Variants in MTERF1 observed in about 807,000 individuals in gnomAD.
The protein encoded by MTERF1 is transcription termination factor 1, mitochondrial.
MTERF1 carries 29 observed loss-of-function variants against 31.6 expected under a neutral mutation model. The observed-to-expected ratio is 0.92, with a 90% CI of 0.68 to 1.25. The LOEUF is 1.25. Among genes scored for constraint, MTERF1 ranks in the 50% most tolerant of loss-of-function variants. MTERF1 has a pLI of 0.00. For missense variants in MTERF1, 500 were observed against 469.1 expected (o/e 1.07, Z -0.61); for synonymous variants, 152 against 164.1 (o/e 0.93, Z 0.57).
rs1789263548 is a variant in MTERF1, at chr7:91,874,071, GTTTTT to G, written c.718_722del (p.Lys240ProfsTer14). 4 of 1,613,942 alleles carry G rather than the reference GTTTTT, an allele frequency of 2.5e-6. No individual in the cohort carries two copies. In the Admixed American group the frequency reaches 6.7e-5, roughly 27 times the overall value. The stretch of plus-strand genomic sequence containing the variant: ...TGGTGCTCTGAATTAAGATAAAAGG[GTTTTT>G]AAAAATTATCTTTCTGACAAAATCT... On this transcript the variant is annotated frameshift_variant, in exon 3 of 3. Transcript: ENST00000351870. LOFTEE classifies it high-confidence loss of function.
chr7:91,874,104 G>A lies in MTERF1; in HGVS notation c.690C>T (p.Pro230=), dbSNP rs373260824. 105 of 1,613,938 alleles carry A rather than the reference G, an allele frequency of 6.5e-5. No individual in the cohort carries two copies. The highest frequency in any genetic ancestry group is 1.3e-4 in the East Asian group (6 of 44,892). ...AAATTATCTTTCTGACAAAATCTGC[G>A]GGATCATTGTGACCCAATGACAAAC... ...AAGLSLGHND[P]ADFVRKIIFK... The change falls in exon 3 of 3, where the codon CCC becomes CCT. Residue 230 remains proline, a synonymous_variant. Coordinates refer to ENST00000351870, the MANE Select transcript of MTERF1 (RefSeq NM_006980.5).
chr7:91,879,567 A>T (rs1330810361), intron 2 of MTERF1, among the ~76,000 whole-genome samples: 1 of 152,224 alleles, frequency 6.6e-6, no homozygotes, highest in Non-Finnish European at 1.5e-5. Context: ...TGTGAAAAAC[A>T]ATGGAAAATA....
intron 1 of MTERF1, chr7:91,880,408 A>C (rs536075064): frequency 4.3e-6 from 1 of 234,998 alleles, no homozygotes; most frequent in Admixed American, 5.4e-5. Flanking sequence ...TAAGCCTTAA[A>C]ATTACAAAAT....
At chr7:91,879,268 T>C (rs1789435304) in intron 2 of MTERF1, among the ~76,000 whole-genome samples, 1 of 152,166 alleles carries the variant, frequency 6.6e-6, no homozygotes, top group South Asian at 2.1e-4. Flanking sequence ...TTGTGGTACA[T>C]CTATGCAATA....
chr7:91,873,901 T>C lies in MTERF1; in HGVS notation c.893A>G (p.Glu298Gly). ...AGTACATCCAAGAGAAAACAGCTTC[T>C]CTTTGATGTTTGCGTAGCTTCTTCT... ...YARRSYANIK[E>G]KLFSLGCTEE... The change falls in exon 3 of 3, where the codon GAG becomes GGG. Residue 298 changes from glutamate (E) to glycine (G), a missense_variant. Transcript: ENST00000351870. 11 of 1,614,054 alleles carry C rather than the reference T, an allele frequency of 6.8e-6. No individual in the cohort carries two copies. Among genetic ancestry groups the C allele is most frequent in the Non-Finnish European group, 8.5e-6 (10 of 1,180,018 alleles).
In MTERF1 at chr7:91,873,643, C is replaced by T; in HGVS notation, c.1151G>A (p.Ser384Asn). ...CAATTTAGCTTCATATCTTTTTTTA[C>T]TCCAAGATAGAAGAGTGATGTTTAA... ...STLNITLLSW[S>N]KKRYEAKLKK... Residue 384 changes from serine (S) to asparagine (N), a missense_variant, in exon 3 of 3, where the codon AGT (serine) becomes AAT (asparagine). Ser to Asn is a conservative substitution (Grantham distance 46, BLOSUM62 1). Coordinates refer to ENST00000351870, the MANE Select transcript of MTERF1 (RefSeq NM_006980.5). The T allele has an allele frequency of 6.2e-7, 1 of 1,610,556 alleles. No individual in the cohort carries two copies. The highest frequency in any genetic ancestry group is 8.5e-7 in the Non-Finnish European group (1 of 1,179,172).
In MTERF1 at chr7:91,873,625, G is replaced by C. The variant is rs745726879; in HGVS notation, c.1169C>G (p.Ala390Gly). Residue 390 changes from alanine (A) to glycine (G), a missense_variant, in exon 3 of 3, where the codon GCT (alanine) becomes GGT (glycine). Physicochemically the swap from Ala to Gly is moderately conservative, Grantham distance 60 (BLOSUM62 0). Transcript: ENST00000351870. ...LLSWSKKRYE[A>G]KLKKLSRFA ...AAATCTGCTTAACTTTTTCAATTTA[G>C]CTTCATATCTTTTTTTACTCCAAGA... 1 of 1,607,122 alleles carries C rather than the reference G, an allele frequency of 6.2e-7. No homozygotes were observed. Among genetic ancestry groups the C allele is most frequent in the East Asian group, 2.2e-5 (1 of 44,820 alleles).
intron 2 of MTERF1, among the ~76,000 whole-genome samples, chr7:91,875,226 C>T (rs1190914333): frequency 6.6e-6 from 1 of 151,836 alleles, no homozygotes; most frequent in African/African-American, 2.4e-5. Context: ...TGACCCTCTC[C>T]ATCTCTGCTT....
In MTERF1 at chr7:91,874,382, T is replaced by C; in HGVS notation, c.412A>G (p.Asn138Asp). Residue 138 changes from asparagine to aspartate, a missense_variant, in exon 3 of 3, where the codon AAT (asparagine) becomes GAT (aspartate). Transcript: ENST00000351870. Reference sequence around the variant, plus strand: ...CACAGATCCCACCGTTTTGAAAGATTCTCGGGAGTACGTGTTATTGCTCGT... The same window carrying C: ...CACAGATCCCACCGTTTTGAAAGATCCTCGGGAGTACGTGTTATTGCTCGT... Reference protein sequence around the residue: ...YPRAITRTPENLSKRWDLWRK... With the variant: ...YPRAITRTPEDLSKRWDLWRK... 6.2e-7 allele frequency: 1 copy of C among 1,614,188 alleles called. No individual in the cohort carries two copies. The highest frequency in any genetic ancestry group is 1.1e-5 in the South Asian group (1 of 91,070).
intron 2 of MTERF1, among the ~76,000 whole-genome samples, 191 bp downstream of exon 2, chr7:91,879,864 C>T (rs573792605): frequency 6.6e-6 from 1 of 152,300 alleles, no homozygotes; most frequent in African/African-American, 2.4e-5. Context: ...ACTTAACAAA[C>T]ACTGAAAATT....
chr7:91,879,817 A>G (rs937658439), intron 2 of MTERF1, among the ~76,000 whole-genome samples: 3 of 152,214 alleles, frequency 2.0e-5, no homozygotes, highest in Admixed American at 6.5e-5. Flanking sequence ...TGACTTTTTA[A>G]TTAACCAAAA....
intron 2 of MTERF1, 147 bp from the exon 3 acceptor site, chr7:91,874,911 A>G (rs1789305702): frequency 1.8e-6 from 1 of 562,856 alleles, no homozygotes; most frequent in Admixed American, 3.4e-5. Context: ...TAATTCAGCC[A>G]CTGCTGAATT....
Position 91,874,154 on chromosome 7 carries a change from T to C in MTERF1, c.640A>G (p.Met214Val), listed in dbSNP as rs778697132. Residue 214 changes from methionine (M) to valine (V), a missense_variant, in exon 3 of 3, where the codon ATG becomes GTG. Coordinates refer to ENST00000351870, the MANE Select transcript of MTERF1 (RefSeq NM_006980.5). ...CCGGCTGCCTGCAAAAATTCAACCA[T>C]CTGTTTATTCAGATCAAGACTATTG... ...FSNSLDLNKQ[M>V]VEFLQAAGLS... 8 of 1,613,978 alleles carry C rather than the reference T, an allele frequency of 5.0e-6. No individual in the cohort carries two copies. The highest frequency in any genetic ancestry group is 3.3e-5 in the Admixed American group (2 of 59,972).
rs1789239865 is a variant in MTERF1 at position 91,873,624 on chromosome 7, A to G, written c.1170T>C (p.Ala390=). ...LLSWSKKRYE[A]KLKKLSRFA ...CAAATCTGCTTAACTTTTTCAATTTAGCTTCATATCTTTTTTTACTCCAAG... is the reference window on the plus strand; with the variant it reads ...CAAATCTGCTTAACTTTTTCAATTTGGCTTCATATCTTTTTTTACTCCAAG... The change falls in exon 3 of 3, where the codon GCT becomes GCC. Residue 390 remains alanine (A), a synonymous_variant. Transcript: ENST00000351870. 5 of 1,606,710 alleles carry G rather than the reference A, an allele frequency of 3.1e-6. No homozygotes were observed. Among genetic ancestry groups the G allele is most frequent in the Non-Finnish European group, 4.2e-6 (5 of 1,177,468 alleles).
In MTERF1 at chr7:91,872,146, C is replaced by T. The variant is rs1429349919; in HGVS notation, c.*1448G>A. On this transcript the variant is annotated 3_prime_UTR_variant, in exon 3 of 3. Coordinates refer to ENST00000351870, the MANE Select transcript of MTERF1 (RefSeq NM_006980.5). ...GAAATTCATTTTCCTTATAAATTTT[C>T]CAATAAATTATAAATGTATTATAAG... The T allele has an allele frequency of 6.6e-6, 1 of 152,060 alleles. No homozygotes were observed. The highest frequency in any genetic ancestry group is 1.5e-5 in the Non-Finnish European group (1 of 68,022). The allele number at this position is 152,060 out of a possible 1,614,324, so 9.4% of individuals were successfully genotyped here.
chr7:91,874,175 T>C lies in MTERF1; in HGVS notation c.619A>G (p.Ser207Gly). 1 of 1,614,108 alleles carries C rather than the reference T, an allele frequency of 6.2e-7. No individual in the cohort carries two copies. Among genetic ancestry groups the C allele is most frequent in the Non-Finnish European group, 8.5e-7 (1 of 1,180,014 alleles). ...ACCATCTGTTTATTCAGATCAAGAC[T>C]ATTGGAGAAGGTACGAGGGGCATTG... is the stretch of plus-strand genomic sequence containing the variant. The part of the protein sequence containing the change: ...LTNAPRTFSN[S>G]LDLNKQMVEF... Residue 207 changes from serine to glycine, a missense_variant, in exon 3 of 3, where the codon AGT (serine) becomes GGT (glycine). Ser to Gly is a moderately conservative substitution (Grantham distance 56). Transcript: ENST00000351870.
At chr7:91,878,542 G>A (rs1412979316) in intron 2 of MTERF1, among the ~76,000 whole-genome samples, 1 of 152,042 alleles carries the variant, frequency 6.6e-6, no homozygotes, top group East Asian at 1.9e-4. Context: ...TTATCCAAAG[G>A]GGGAAAAAAG....
At chr7:91,877,601 C>A (rs1431020066) in intron 2 of MTERF1, among the ~76,000 whole-genome samples, 2 of 152,222 alleles carry the variant, frequency 1.3e-5, no homozygotes. Flanking sequence ...GACTCAACTT[C>A]TTTGGCATCT....
At position 91,874,201 on chromosome 7, in the gene MTERF1, G is replaced by A; in HGVS notation, c.593C>T (p.Thr198Ile). The change falls in exon 3 of 3, where the codon ACC becomes ATC. Residue 198 changes from threonine to isoleucine, a missense_variant. Coordinates refer to ENST00000351870, the MANE Select transcript of MTERF1 (RefSeq NM_006980.5). ...ATTGGAGAAGGTACGAGGGGCATTG[G>A]TCAACAATCGACAAAGGCATTTACG... The part of the protein sequence containing the change: ...LTRKCLCRLL[T>I]NAPRTFSNSL... 6.2e-7 allele frequency: 1 copy of A among 1,614,156 alleles called. No individual in the cohort carries two copies. Among genetic ancestry groups the A allele is most frequent in the South Asian group, 1.1e-5 (1 of 91,088 alleles).
Sources: allele counts gnomAD v4.1 joint callset (sites outside exome capture counted in the v4.1 genomes callset), GRCh38; gene constraint gnomAD v4.1.1; transcripts MANE v1.5; gene names NCBI Gene and HGNC (gene_info 2026-07-23, HGNC 2026-07-21).